Variants in MED13L observed in about 807,000 individuals in gnomAD.
The protein encoded by MED13L is mediator complex subunit 13L, also known as mediator of RNA polymerase II transcription subunit 13-like.
A neutral mutation model predicts 220.9 loss-of-function variants in MED13L; 7 were observed. The ratio of observed to expected loss-of-function variants is 0.03; its 90% CI spans 0.02 to 0.06. The LOEUF (loss-of-function observed/expected upper bound fraction) is 0.06, where lower values mean the gene tolerates loss of function less well. Ranked by LOEUF, MED13L falls within the 10% of genes least tolerant of loss-of-function variation. MED13L has a pLI of 1.00. For synonymous variants in MED13L, 1,011 were observed against 1,015.2 expected, an observed-to-expected ratio of 1.00 and a Z score of 0.08; for missense variants, 1,965 against 2,760.5, an observed-to-expected ratio of 0.71 and a Z score of 6.46.
At chr12:116,113,487 A>AC (rs1874255005) in intron 2 of MED13L, among the ~76,000 whole-genome samples, 1 of 143,882 alleles carries the variant, frequency 7.0e-6, no homozygotes, top group Non-Finnish European at 1.5e-5. Flanking sequence ...AAAAAAAAAA[A>AC]TTATATATAT....
At chr12:116,012,223 A>G (rs1358952944) in intron 9 of MED13L, among the ~76,000 whole-genome samples, 2 of 152,190 alleles carry the variant, frequency 1.3e-5, no homozygotes, top group East Asian at 1.9e-4. Flanking sequence ...TTACTACAAC[A>G]AAGAGTGGTA....
At chr12:116,165,252 C>A (rs906254951) in intron 2 of MED13L, among the ~76,000 whole-genome samples, 4 of 141,824 alleles carry the variant, frequency 2.8e-5, no homozygotes, top group African/African-American at 1.1e-4. Flanking sequence ...ATGAAGTAGG[C>A]ACCATCCTTT....
At chr12:116,114,654 A>G (rs1874366259) in intron 2 of MED13L, among the ~76,000 whole-genome samples, 1 of 152,226 alleles carries the variant, frequency 6.6e-6, no homozygotes. Flanking sequence ...AGGGCAAGAA[A>G]GAAGAAATAA....
rs138580123 is a variant in MED13L, at chr12:115,970,715, T to C, written c.5946A>G (p.Ser1982=). The part of the protein sequence containing the change: ...FGRSTALNMQ[S]SQLNTPQDAS... The stretch of plus-strand genomic sequence containing the variant: ...CATCTTGAGGGGTGTTGAGCTGAGA[T>C]GACTGCATGTTCAGTGCAGTACTTC... The change falls in exon 27 of 31, where the codon TCA becomes TCG. Residue 1982 remains serine, a synonymous_variant. Transcript: ENST00000281928. 4.3e-6 allele frequency: 7 copies of C among 1,614,106 alleles called. No homozygotes were observed. Among genetic ancestry groups the C allele is most frequent in the Non-Finnish European group, 5.1e-6 (6 of 1,179,968 alleles).
intron 4 of MED13L, among the ~76,000 whole-genome samples, chr12:116,038,337 AG>A (rs1438031086): frequency 2.0e-5 from 3 of 152,162 alleles, no homozygotes; most frequent in African/African-American, 7.2e-5. Flanking sequence ...TGAACAATCA[AG>A]GATCAACTGA....
At chr12:116,141,012 A>T (rs1279143256) in intron 2 of MED13L, among the ~76,000 whole-genome samples, 1 of 151,872 alleles carries the variant, frequency 6.6e-6, no homozygotes. Context: ...TGGATTTTTT[A>T]AAATCTGTCT....
In MED13L at chr12:116,258,313, C is replaced by T. The variant is rs766143269; in HGVS notation, c.72+18747G>A. 7.2e-5 allele frequency among the ~76,000 whole-genome samples: 11 copies of T among 152,112 alleles called. 1 individual carries two copies. Among genetic ancestry groups the T allele is most frequent in the Non-Finnish European group, 1.5e-4 (10 of 68,028 alleles). On this transcript the variant is annotated intron_variant, in intron 1 of 30. Transcript: ENST00000281928. The stretch of plus-strand genomic sequence containing the variant: ...GAAAAATGAGAATAGTAGACTCTAC[C>T]TCAAAAGGATCTTGTGAGCATGAGA...
intron 8 of MED13L, among the ~76,000 whole-genome samples, chr12:116,013,432 T>G (rs1396364176): frequency 6.6e-6 from 1 of 152,214 alleles, no homozygotes; most frequent in Non-Finnish European, 1.5e-5. Flanking sequence ...TTTTAAGACA[T>G]TGTATAAAAT....
At chr12:116,267,870 G>GTC (rs1333824448) in intron 1 of MED13L, among the ~76,000 whole-genome samples, 9 of 152,154 alleles carry the variant, frequency 5.9e-5, no homozygotes, top group Admixed American at 5.9e-4. Context: ...GTAAGAACAT[G>GTC]TCTCATGATC....
At chr12:116,134,083 T>C (rs551601486) in intron 2 of MED13L, among the ~76,000 whole-genome samples, 42 of 152,304 alleles carry the variant, frequency 2.8e-4, no homozygotes, top group African/African-American at 9.1e-4. Context: ...ACAGAGTCCA[T>C]AGGCATAATA....
At chr12:116,180,223 CA>C (rs1880420342) in intron 2 of MED13L, among the ~76,000 whole-genome samples, 1 of 152,160 alleles carries the variant, frequency 6.6e-6, no homozygotes, top group African/African-American at 2.4e-5. Flanking sequence ...AAACAACATC[CA>C]GCCCAAATGT....
chr12:116,182,365 C>G (rs1182322134), intron 2 of MED13L, among the ~76,000 whole-genome samples: 1 of 152,172 alleles, frequency 6.6e-6, no homozygotes. Context: ...GCATTCCCCA[C>G]AAATCTCTGA....
intron 11 of MED13L, 95 bp downstream of exon 11, chr12:116,007,316 C>T (rs1411355302): frequency 1.5e-5 from 17 of 1,149,802 alleles, no homozygotes; most frequent in Non-Finnish European, 2.0e-5. Context: ...GCAAGACTAT[C>T]TCAAACGTTC....
intron 2 of MED13L, among the ~76,000 whole-genome samples, chr12:116,210,972 T>A (rs1882660721): frequency 6.6e-6 from 1 of 151,944 alleles, no homozygotes; most frequent in South Asian, 2.1e-4. Context: ...CAAAACTAGT[T>A]TCCAACCACA....
intron 4 of MED13L, among the ~76,000 whole-genome samples, chr12:116,059,719 A>G (rs1354589348): frequency 6.6e-6 from 1 of 151,990 alleles, no homozygotes; most frequent in Non-Finnish European, 1.5e-5. Context: ...CACCCACCCT[A>G]CATAATTCTT....
intron 2 of MED13L, among the ~76,000 whole-genome samples, chr12:116,212,879 C>A (rs955962232): frequency 1.3e-5 from 2 of 152,022 alleles, no homozygotes; most frequent in African/African-American, 2.4e-5. Flanking sequence ...TCTTTTGAAA[C>A]TAAAAAGAAA....
At chr12:116,273,820 C>G (rs1339300801) in intron 1 of MED13L, among the ~76,000 whole-genome samples, 1 of 152,202 alleles carries the variant, frequency 6.6e-6, no homozygotes, top group Non-Finnish European at 1.5e-5. Context: ...CACAAAATCA[C>G]TTTCTCCATA....
intron 2 of MED13L, among the ~76,000 whole-genome samples, chr12:116,192,736 C>T (rs1378707619): frequency 6.6e-6 from 1 of 152,142 alleles, no homozygotes; most frequent in Non-Finnish European, 1.5e-5. Flanking sequence ...CCAATAATCC[C>T]AGCACTTTGG....
intron 1 of MED13L, among the ~76,000 whole-genome samples, chr12:116,275,501 A>C (rs1045295205): frequency 4.6e-5 from 7 of 152,214 alleles, no homozygotes; most frequent in African/African-American, 1.7e-4. Context: ...TCTGCATTGT[A>C]ACACATTTAA....
Sources: gnomAD v4.1 joint callset for allele counts (sites outside exome capture counted in the v4.1 genomes callset) on GRCh38, gnomAD v4.1.1 for gene constraint, MANE v1.5 for transcripts, NCBI Gene and HGNC (gene_info 2026-07-23, HGNC 2026-07-21) for gene names.